ATP2A2: variants seen among roughly 807,000 people sequenced by gnomAD.
ATP2A2 encodes ATPase sarcoplasmic/endoplasmic reticulum Ca2+ transporting 2.
Under a neutral mutation model 109.3 loss-of-function variants are expected in ATP2A2, and 14 were observed. That is an observed-to-expected ratio of 0.13 (90% confidence interval 0.08 to 0.20). ATP2A2 has a LOEUF of 0.20. ATP2A2 is among the 10% of genes least tolerant of loss of function. The pLI, the probability that ATP2A2 is intolerant of heterozygous loss-of-function variation, is 1.00. For missense variants in ATP2A2, 657 were observed against 1,321.6 expected, an observed-to-expected ratio of 0.50 and a Z score of 7.80; for synonymous variants, 506 against 490.9, an observed-to-expected ratio of 1.03 and a Z score of -0.41.
intron 9 of ATP2A2, among the ~76,000 whole-genome samples, 169 bp from the exon 10 acceptor site, chr12:110,333,012 T>G (rs539322875): frequency 6.6e-6 from 1 of 152,200 alleles, no homozygotes; most frequent in South Asian, 2.1e-4. Context: ...CATTCTCTCT[T>G]TTGTTTTTGT....
chr12:110,293,070 T>G (rs1317863563), intron 4 of ATP2A2, among the ~76,000 whole-genome samples: 2 of 152,132 alleles, frequency 1.3e-5, no homozygotes, highest in African/African-American at 2.4e-5. Flanking sequence ...CTTTGAGGAC[T>G]GAAGTAGACC....
intron 5 of ATP2A2, among the ~76,000 whole-genome samples, chr12:110,316,684 C>T (rs1025355197): frequency 6.6e-6 from 1 of 151,936 alleles, no homozygotes; most frequent in African/African-American, 2.4e-5. Context: ...GAAGACCATG[C>T]GAGTGTAAGG....
rs555273285 is a variant in ATP2A2 at position 110,345,153 on chromosome 12, C to T, written c.2608-96C>T. ...GGGGTAAACCTCTTGGCTGGCTCTGCATTCAGGCTGGTCTGTGCTAGGCTT... is the reference window on the plus strand; with the variant it reads ...GGGGTAAACCTCTTGGCTGGCTCTGTATTCAGGCTGGTCTGTGCTAGGCTT... On this transcript the variant is annotated intron_variant, in intron 17 of 19. Coordinates refer to ENST00000539276, the MANE Select transcript of ATP2A2 (RefSeq NM_170665.4). 1.2e-4 allele frequency: 187 copies of T among 1,587,558 alleles called. 4 individuals carry two copies. In the South Asian group the frequency reaches 2.0e-3, roughly 17 times the overall value.
chr12:110,282,677 G>T (rs773113833), intron 2 of ATP2A2, 36 bp from the exon 3 acceptor site: 1 of 1,613,602 alleles, frequency 6.2e-7, no homozygotes, highest in African/African-American at 1.3e-5. Context: ...CTGATGGTAA[G>T]ATGACAGTTA....
rs868073997 is a variant in ATP2A2, at chr12:110,336,239, G to A, written c.1419+2096G>A. ...TTAGGGTTCCCTGGTAGAATAAGGA[G>A]CGATGGGAAGGGGAGAGGTTCTGCC... On this transcript the variant is annotated intron_variant, in intron 11 of 19. Coordinates refer to ENST00000539276, the MANE Select transcript of ATP2A2 (RefSeq NM_170665.4). Among the ~76,000 whole-genome samples, 3 of 152,190 alleles carry A rather than the reference G, an allele frequency of 2.0e-5. No individual in the cohort carries two copies. The East Asian group carries it at 5.8e-4, about 29-fold the overall frequency.
At chr12:110,296,829 G>A in intron 5 of ATP2A2, 92 bp downstream of exon 5, 1 of 1,374,894 alleles carries the variant, frequency 7.3e-7, no homozygotes, top group Non-Finnish European at 1.0e-6. Flanking sequence ...TAAAATAATT[G>A]TTTTCATGTA....
In ATP2A2 at chr12:110,343,822, C is replaced by T. The variant is rs183137650; in HGVS notation, c.2521+388C>T. On this transcript the variant is annotated intron_variant, in intron 16 of 19. Coordinates refer to ENST00000539276, the MANE Select transcript of ATP2A2 (RefSeq NM_170665.4). The stretch of plus-strand genomic sequence containing the variant: ...CCCTGTTTCCATAAGAGAAGGGTTG[C>T]GCAGTGGCTGGTCCCTTTTATATAT... Among the ~76,000 whole-genome samples, 36 of 152,308 alleles carry T rather than the reference C, an allele frequency of 2.4e-4. No homozygotes were observed. In the East Asian group the frequency reaches 4.8e-3, roughly 20 times the overall value.
chr12:110,310,722 T>G (rs367586006), intron 5 of ATP2A2, among the ~76,000 whole-genome samples: 1 of 152,198 alleles, frequency 6.6e-6, no homozygotes, highest in South Asian at 2.1e-4. Flanking sequence ...AAATGAAGAC[T>G]TAATAGCCAA....
chr12:110,305,142 C>T (rs775417499), intron 5 of ATP2A2, among the ~76,000 whole-genome samples: 6 of 152,146 alleles, frequency 3.9e-5, no homozygotes, highest in Non-Finnish European at 5.9e-5. Context: ...CCGTTTTGGC[C>T]AGGCTGGTCT....
At chr12:110,302,876 C>T (rs1418146854) in intron 5 of ATP2A2, among the ~76,000 whole-genome samples, 2 of 152,140 alleles carry the variant, frequency 1.3e-5, no homozygotes, top group East Asian at 1.9e-4. Context: ...GGATTACAGG[C>T]GTGAGCCACC....
chr12:110,323,843 T>G (rs904578460), intron 6 of ATP2A2, among the ~76,000 whole-genome samples: 2 of 152,210 alleles, frequency 1.3e-5, no homozygotes, highest in South Asian at 4.1e-4. Context: ...TAAGGTTGAA[T>G]TGTTGTCTGT....
At chr12:110,296,973 T>C (rs1566206253) in intron 5 of ATP2A2, among the ~76,000 whole-genome samples, 3 of 152,222 alleles carry the variant, frequency 2.0e-5, no homozygotes, top group Admixed American at 6.5e-5. Context: ...TTTTGAATTC[T>C]ACTTGTTTAA....
chr12:110,284,870 A>C (rs183610090), intron 3 of ATP2A2, among the ~76,000 whole-genome samples: 1 of 152,272 alleles, frequency 6.6e-6, no homozygotes, highest in East Asian at 1.9e-4. Flanking sequence ...GGAATTGCAG[A>C]TATAAGACCT....
chr12:110,292,100 C>T lies in ATP2A2; in HGVS notation c.300C>T (p.Ala100=). The T allele has an allele frequency of 6.2e-7, 1 of 1,613,990 alleles. No homozygotes were observed. The highest frequency in any genetic ancestry group is 8.5e-7 in the Non-Finnish European group (1 of 1,179,968). ...EPFVILLILV[A]NAIVGVWQER... ...TTGTAATTTTACTCATATTAGTAGC[C>T]AATGCAATTGTGGGTGTATGGCAGG... is the stretch of plus-strand genomic sequence containing the variant. The change falls in exon 4 of 20, where the codon GCC becomes GCT. Residue 100 remains alanine, a synonymous_variant. Transcript: ENST00000539276.
intron 6 of ATP2A2, among the ~76,000 whole-genome samples, chr12:110,324,873 G>A (rs150685520): frequency 6.7e-6 from 1 of 149,724 alleles, no homozygotes; most frequent in Non-Finnish European, 1.5e-5. Context: ...CTGTGGCCCA[G>A]TGGCGCGATC....
At chr12:110,304,105 A>G (rs1015683900) in intron 5 of ATP2A2, among the ~76,000 whole-genome samples, 3 of 150,562 alleles carry the variant, frequency 2.0e-5, no homozygotes, top group East Asian at 3.8e-4. Context: ...GCTTTCTCTT[A>G]GCATAGTGTT....
At chr12:110,325,160 A>G (rs1293071955) in intron 6 of ATP2A2, among the ~76,000 whole-genome samples, 2 of 152,184 alleles carry the variant, frequency 1.3e-5, no homozygotes, top group African/African-American at 2.4e-5. Flanking sequence ...AACTTCATAG[A>G]GGTTCTCGAA....
intron 1 of ATP2A2, 116 bp from the exon 2 acceptor site, chr12:110,282,488 T>C: frequency 1.5e-6 from 2 of 1,365,080 alleles, no homozygotes; most frequent in Non-Finnish European, 2.1e-6. Flanking sequence ...TTAAAGATAT[T>C]GATGCTTAGA....
intron 3 of ATP2A2, among the ~76,000 whole-genome samples, chr12:110,284,046 A>G (rs1016843653): frequency 6.6e-6 from 1 of 152,244 alleles, no homozygotes; most frequent in African/African-American, 2.4e-5. Context: ...GTAGCCATTA[A>G]TAATTCAGTC....
Sources: allele counts gnomAD v4.1 joint callset (sites outside exome capture counted in the v4.1 genomes callset), GRCh38; gene constraint gnomAD v4.1.1; transcripts MANE v1.5; gene names NCBI Gene and HGNC (gene_info 2026-07-23, HGNC 2026-07-21).